SNX29: variants seen among roughly 807,000 people sequenced by gnomAD.
The protein encoded by SNX29 is sorting nexin-29.
SNX29 carries 78 observed loss-of-function variants against 102.1 expected under a neutral mutation model. The ratio of observed to expected loss-of-function variants is 0.76; its 90% CI spans 0.64 to 0.92. The LOEUF (loss-of-function observed/expected upper bound fraction) is 0.92, where lower values mean the gene tolerates loss of function less well. Ranked by LOEUF, SNX29 falls within the 40% of genes least tolerant of loss-of-function variation. The pLI is 0.00. For missense variants in SNX29, 1,280 were observed against 1,061.7 expected (o/e 1.21, Z -2.86); for synonymous variants, 580 against 414.5 (o/e 1.40, Z -4.85).
chr16:12,468,380 G>A (rs942508648), intron 18 of SNX29, among the ~76,000 whole-genome samples: 11 of 151,882 alleles, frequency 7.2e-5, no homozygotes, highest in Non-Finnish European at 1.2e-4. Flanking sequence ...TCACCATGTT[G>A]TCCAGGCTGG....
chr16:12,180,609 G>A (rs915464276), intron 13 of SNX29, among the ~76,000 whole-genome samples: 55 of 151,916 alleles, frequency 3.6e-4, no homozygotes, highest in African/African-American at 1.3e-3. Flanking sequence ...TCAGCCTCCC[G>A]AGTAGCTGGG....
intron 18 of SNX29, among the ~76,000 whole-genome samples, chr16:12,407,318 T>A (rs2084205951): frequency 7.6e-6 from 1 of 132,102 alleles, no homozygotes; most frequent in Non-Finnish European, 1.6e-5. Context: ...AGCTTAAGGT[T>A]AATTAGATTG....
intron 14 of SNX29, among the ~76,000 whole-genome samples, chr16:12,257,557 G>A (rs561480517): frequency 6.6e-6 from 1 of 152,142 alleles, no homozygotes; most frequent in South Asian, 2.1e-4. Context: ...CATCCAGCCT[G>A]GAGTGCAATG....
intron 16 of SNX29, among the ~76,000 whole-genome samples, chr16:12,394,588 C>A (rs1002188406): frequency 1.3e-5 from 2 of 152,120 alleles, no homozygotes; most frequent in African/African-American, 4.8e-5. Flanking sequence ...TCGACCAGGG[C>A]TTGACTGAGC....
At chr16:12,493,293 A>G (rs919595950) in intron 19 of SNX29, among the ~76,000 whole-genome samples, 1 of 152,076 alleles carries the variant, frequency 6.6e-6, no homozygotes, top group African/African-American at 2.4e-5. Context: ...TTCTCTTTGA[A>G]GCAATTGTGA....
intron 20 of SNX29, among the ~76,000 whole-genome samples, chr16:12,562,976 GC>G (rs1388944779): frequency 9.5e-6 from 1 of 105,528 alleles, no homozygotes; most frequent in Non-Finnish European, 1.9e-5. Flanking sequence ...AGGGGTGAGG[GC>G]TGATGCGTAA....
At chr16:12,335,129 T>C (rs1287242874) in intron 15 of SNX29, among the ~76,000 whole-genome samples, 1 of 151,578 alleles carries the variant, frequency 6.6e-6, no homozygotes, top group Non-Finnish European at 1.5e-5. Context: ...CTTCCCAGAG[T>C]GGTGTCCCAG....
chr16:12,214,309 T>G (rs12929090), intron 14 of SNX29, among the ~76,000 whole-genome samples: 19,701 of 152,192 alleles, frequency 0.13, 2,205 homozygotes, highest in South Asian at 0.3. Context: ...AGGCCAGACG[T>G]ATATTTATTG....
intron 14 of SNX29, among the ~76,000 whole-genome samples, chr16:12,220,131 G>A (rs7204451): frequency 2.6e-5 from 4 of 152,146 alleles, no homozygotes; most frequent in East Asian, 1.9e-4. Flanking sequence ...TTTCGCCACC[G>A]CGCTGTGAGT....
At chr16:12,203,889 G>A (rs930835021) in intron 14 of SNX29, among the ~76,000 whole-genome samples, 1 of 152,220 alleles carries the variant, frequency 6.6e-6, no homozygotes, top group Non-Finnish European at 1.5e-5. Context: ...CATGTGGGTA[G>A]TGAACATCTG....
intron 11 of SNX29, among the ~76,000 whole-genome samples, chr16:12,116,631 G>A (rs1306681713): frequency 2.0e-5 from 3 of 152,274 alleles, no homozygotes; most frequent in Admixed American, 6.5e-5. Context: ...CCAGGATCAC[G>A]CCACCATACT....
chr16:12,157,793 C>G (rs1217468249), intron 13 of SNX29, among the ~76,000 whole-genome samples: 1 of 152,142 alleles, frequency 6.6e-6, no homozygotes, highest in Admixed American at 6.5e-5. Context: ...GAAGTGGAGA[C>G]AGTGTGCAGG....
intron 16 of SNX29, chr16:12,373,128 C>A (rs1009934678): frequency 6.6e-6 from 1 of 152,078 alleles, no homozygotes; most frequent in Non-Finnish European, 1.5e-5. Flanking sequence ...TATTTCTTTA[C>A]ATTTTGTATT....
At chr16:12,544,991 G>C (rs1039465539) in intron 20 of SNX29, among the ~76,000 whole-genome samples, 1 of 152,190 alleles carries the variant, frequency 6.6e-6, no homozygotes, top group Non-Finnish European at 1.5e-5. Flanking sequence ...ACTTGTCCTA[G>C]GTGGCACAGC....
At chr16:12,561,586 C>T (rs760550608) in intron 20 of SNX29, among the ~76,000 whole-genome samples, 16 of 152,004 alleles carry the variant, frequency 1.1e-4, no homozygotes, top group East Asian at 7.7e-4. Flanking sequence ...TAATGTCAGC[C>T]GCATGCTGGT....
Position 12,426,949 on chromosome 16 carries a change from G to C in SNX29, c.2037+23420G>C, listed in dbSNP as rs183454721. On this transcript the variant is annotated intron_variant, in intron 18 of 20. Coordinates refer to ENST00000566228, the MANE Select transcript of SNX29 (RefSeq NM_032167.5). ...CCAAAGTGCTGGGATTACAGGGCCC[G>C]AGCCACCATGCCTGGCCAGTATTGT... 4.7e-3 allele frequency among the ~76,000 whole-genome samples: 719 copies of C among 152,286 alleles called. 9 individuals carry two copies. Among genetic ancestry groups the C allele is most frequent in the African/African-American group, 0.017 (686 of 41,556 alleles).
At chr16:12,018,805 C>G (rs2056927787) in intron 3 of SNX29, among the ~76,000 whole-genome samples, 1 of 147,832 alleles carries the variant, frequency 6.8e-6, no homozygotes, top group Non-Finnish European at 1.5e-5. Flanking sequence ...CCATGCAGGT[C>G]TCGAACTCCT....
At chr16:12,412,875 A>G (rs2084461863) in intron 18 of SNX29, among the ~76,000 whole-genome samples, 1 of 152,192 alleles carries the variant, frequency 6.6e-6, no homozygotes, top group Non-Finnish European at 1.5e-5. Context: ...TCAGTAGCAA[A>G]CAGAGTGGAG....
intron 13 of SNX29, among the ~76,000 whole-genome samples, chr16:12,140,347 T>C (rs2054827091): frequency 3.3e-5 from 5 of 152,234 alleles, no homozygotes. Context: ...TGGAGAAGTC[T>C]TGGGATTCAC....
Sources: gnomAD v4.1 joint callset for allele counts (sites outside exome capture counted in the v4.1 genomes callset) on GRCh38, gnomAD v4.1.1 for gene constraint, MANE v1.5 for transcripts, NCBI Gene and HGNC (gene_info 2026-07-23, HGNC 2026-07-21) for gene names.